CNTN5: variants seen among roughly 807,000 people sequenced by gnomAD.
The protein encoded by CNTN5 is contactin 5.
CNTN5 carries 77 observed loss-of-function variants against 129.1 expected under a neutral mutation model. The ratio of observed to expected loss-of-function variants is 0.60; its 90% CI spans 0.50 to 0.72. CNTN5 has a LOEUF of 0.72. Among genes scored for constraint, CNTN5 ranks in the 30% least tolerant of loss-of-function variants. CNTN5 has a pLI of 0.00. For missense variants in CNTN5, 1,478 were observed against 1,328.8 expected (o/e 1.11, Z -1.75); for synonymous variants, 509 against 465.6 (o/e 1.09, Z -1.20).
At chr11:100,041,467 C>T (rs891072410) in intron 9 of CNTN5, among the ~76,000 whole-genome samples, 1 of 152,186 alleles carries the variant, frequency 6.6e-6, no homozygotes, top group Non-Finnish European at 1.5e-5. Flanking sequence ...AATGAATATA[C>T]ATGGCGTTAT....
intron 17 of CNTN5, among the ~76,000 whole-genome samples, chr11:100,267,572 C>T (rs1950332086): frequency 6.6e-6 from 1 of 151,830 alleles, no homozygotes; most frequent in African/African-American, 2.4e-5. Flanking sequence ...ATCCCAATAT[C>T]TAGGGGAAGG....
At chr11:99,689,263 C>A (rs866708590) in intron 3 of CNTN5, among the ~76,000 whole-genome samples, 82 of 152,070 alleles carry the variant, frequency 5.4e-4, no homozygotes, top group African/African-American at 1.9e-3. Flanking sequence ...CGTGGTGGCT[C>A]ACGCCTGTAA....
At chr11:99,751,547 C>A (rs1299103547) in intron 3 of CNTN5, among the ~76,000 whole-genome samples, 2 of 152,114 alleles carry the variant, frequency 1.3e-5, no homozygotes, top group African/African-American at 2.4e-5. Flanking sequence ...CCACCTCTCT[C>A]TATATAAATT....
At chr11:100,292,255 T>C (rs1301046555) in intron 18 of CNTN5, among the ~76,000 whole-genome samples, 1 of 152,034 alleles carries the variant, frequency 6.6e-6, no homozygotes, top group East Asian at 1.9e-4. Flanking sequence ...GTGTTAAATG[T>C]TCAACATGAT....
intron 6 of CNTN5, among the ~76,000 whole-genome samples, chr11:99,859,549 G>C (rs578139822): frequency 6.6e-5 from 10 of 152,108 alleles, no homozygotes; most frequent in African/African-American, 2.2e-4. Context: ...TGCCCTCTTT[G>C]TATCCACATG....
intron 3 of CNTN5, among the ~76,000 whole-genome samples, chr11:99,750,142 C>T (rs963864748): frequency 6.6e-6 from 1 of 152,088 alleles, no homozygotes; most frequent in African/African-American, 2.4e-5. Flanking sequence ...TGAATAAATA[C>T]CTTCTTTTTA....
At chr11:99,823,983 T>C (rs1946877763) in intron 4 of CNTN5, among the ~76,000 whole-genome samples, 1 of 152,098 alleles carries the variant, frequency 6.6e-6, no homozygotes, top group South Asian at 2.1e-4. Flanking sequence ...TCATGTATCT[T>C]GGTATCTTCA....
intron 1 of CNTN5, among the ~76,000 whole-genome samples, chr11:99,063,554 G>A (rs1245912550): frequency 6.7e-6 from 1 of 148,226 alleles, no homozygotes; most frequent in Non-Finnish European, 1.5e-5. Flanking sequence ...ATAAATAAAC[G>A]CATGAGCATA....
intron 2 of CNTN5, among the ~76,000 whole-genome samples, chr11:99,485,203 T>C (rs1274654439): frequency 6.7e-6 from 1 of 149,326 alleles, no homozygotes; most frequent in Non-Finnish European, 1.5e-5. Flanking sequence ...CAATGAAACA[T>C]TTTTGAAAAT....
chr11:99,807,926 T>C, intron 3 of CNTN5, among the ~76,000 whole-genome samples: 1 of 152,168 alleles, frequency 6.6e-6, no homozygotes, highest in East Asian at 1.9e-4. Context: ...TTCAGAGGAC[T>C]CTTCAGGTAC....
intron 8 of CNTN5, among the ~76,000 whole-genome samples, chr11:99,975,735 C>G (rs1383062479): frequency 6.6e-6 from 1 of 152,100 alleles, no homozygotes; most frequent in Non-Finnish European, 1.5e-5. Flanking sequence ...CCACTAGGCC[C>G]TACCTTCAAC....
chr11:99,944,793 T>G (rs1950519194), intron 7 of CNTN5, among the ~76,000 whole-genome samples: 1 of 151,984 alleles, frequency 6.6e-6, no homozygotes, highest in Admixed American at 6.6e-5. Context: ...TACCTAGGAA[T>G]ACAACTTACA....
At chr11:100,194,484 G>A (rs1228272517) in intron 15 of CNTN5, among the ~76,000 whole-genome samples, 1 of 151,640 alleles carries the variant, frequency 6.6e-6, no homozygotes, top group African/African-American at 2.4e-5. Flanking sequence ...ATACTTATTA[G>A]TATCAGTTGA....
At chr11:99,392,601 C>T (rs1037488880) in intron 2 of CNTN5, among the ~76,000 whole-genome samples, 5 of 151,964 alleles carry the variant, frequency 3.3e-5, no homozygotes, top group East Asian at 1.9e-4. Flanking sequence ...GTCCCCAAGA[C>T]ATCGAATAAA....
intron 15 of CNTN5, among the ~76,000 whole-genome samples, chr11:100,223,960 C>A (rs957280094): frequency 6.6e-6 from 1 of 151,026 alleles, no homozygotes; most frequent in East Asian, 2.0e-4. Flanking sequence ...ATCCCATGAA[C>A]TAAAACATTT....
At chr11:99,922,628 C>T (rs1949966886) in intron 7 of CNTN5, among the ~76,000 whole-genome samples, 1 of 152,080 alleles carries the variant, frequency 6.6e-6, no homozygotes, top group South Asian at 2.1e-4. Flanking sequence ...TCTTGTTTTA[C>T]TTCCGTTTTT....
chr11:99,866,849 T>G (rs1381182859), intron 6 of CNTN5, among the ~76,000 whole-genome samples: 1 of 152,198 alleles, frequency 6.6e-6, no homozygotes, highest in Non-Finnish European at 1.5e-5. Flanking sequence ...AGAGGCACAT[T>G]ATAGTCAGTA....
At chr11:99,994,728 A>C (rs925563884) in intron 8 of CNTN5, among the ~76,000 whole-genome samples, 7 of 152,230 alleles carry the variant, frequency 4.6e-5, no homozygotes. Context: ...TCACAAGAGC[A>C]TTCATAGGTA....
chr11:99,220,028 T>C (rs1328825319), intron 1 of CNTN5, among the ~76,000 whole-genome samples: 2 of 151,992 alleles, frequency 1.3e-5, no homozygotes, highest in African/African-American at 4.8e-5. Context: ...TGGCAATACA[T>C]AGATCTTCAT....
Sources: allele counts gnomAD v4.1 joint callset (sites outside exome capture counted in the v4.1 genomes callset), GRCh38; gene constraint gnomAD v4.1.1; transcripts MANE v1.5; gene names NCBI Gene and HGNC (gene_info 2026-07-23, HGNC 2026-07-21).